AFG2A: variants seen among roughly 807,000 people sequenced by gnomAD.
The protein encoded by AFG2A is ATPase family gene 2 protein homolog A.
the AFG2A span, among the ~76,000 whole-genome samples, chr4:122,975,120 C>T: frequency 1.3e-5 from 2 of 152,132 alleles, no homozygotes; most frequent in South Asian, 4.1e-4. Context: ...TGGTAATTTA[C>T]AAAGAACAGA....
chr4:123,201,326 C>T, the AFG2A span, among the ~76,000 whole-genome samples: 1 of 152,124 alleles, frequency 6.6e-6, no homozygotes. Flanking sequence ...TGATGTTTAA[C>T]AACAATCTAC....
chr4:123,247,154 G>T, the AFG2A span, among the ~76,000 whole-genome samples: 1 of 151,788 alleles, frequency 6.6e-6, no homozygotes, highest in African/African-American at 2.4e-5. Context: ...AAATTATATT[G>T]CCCATGGTTT....
the AFG2A span, among the ~76,000 whole-genome samples, chr4:123,131,855 A>G: frequency 2.7e-4 from 27 of 100,818 alleles, no homozygotes; most frequent in Non-Finnish European, 6.6e-4. Flanking sequence ...AAATTGCTAG[A>G]TCATATAGTA....
chr4:123,140,884 T>C, the AFG2A span, among the ~76,000 whole-genome samples: 1 of 152,158 alleles, frequency 6.6e-6, no homozygotes, highest in Non-Finnish European at 1.5e-5. Flanking sequence ...AAAGTTAACA[T>C]TGTCATGAAA....
the AFG2A span, among the ~76,000 whole-genome samples, chr4:123,022,387 C>T: frequency 6.6e-6 from 1 of 152,048 alleles, no homozygotes; most frequent in Admixed American, 6.5e-5. Flanking sequence ...TATGAACAGA[C>T]ACTTCTCAAA....
chr4:122,956,118 C>T, the AFG2A span, among the ~76,000 whole-genome samples: 5 of 152,250 alleles, frequency 3.3e-5, no homozygotes, highest in East Asian at 7.7e-4. Context: ...CAGAAATACA[C>T]TGTCTGATGA....
At chr4:123,122,787 T>G in the AFG2A span, among the ~76,000 whole-genome samples, 1 of 151,824 alleles carries the variant, frequency 6.6e-6, no homozygotes, top group Non-Finnish European at 1.5e-5. Flanking sequence ...TTTTGTTTTT[T>G]TTTTTTGACA....
chr4:123,262,366 A>G, the AFG2A span, among the ~76,000 whole-genome samples: 1 of 152,228 alleles, frequency 6.6e-6, no homozygotes, highest in Non-Finnish European at 1.5e-5. Flanking sequence ...TGCTGTAGCG[A>G]AAGAACTAAA....
chr4:123,306,044 C>T, the AFG2A span, among the ~76,000 whole-genome samples: 2 of 152,204 alleles, frequency 1.3e-5, no homozygotes, highest in African/African-American at 4.8e-5. Context: ...CTCGCGTAAT[C>T]CAGTTATTGC....
At chr4:123,050,372 T>G in the AFG2A span, among the ~76,000 whole-genome samples, 1 of 152,196 alleles carries the variant, frequency 6.6e-6, no homozygotes, top group African/African-American at 2.4e-5. Flanking sequence ...TTGCCTGAAC[T>G]GTTTGTTGCT....
the AFG2A span, among the ~76,000 whole-genome samples, chr4:122,994,142 G>A: frequency 6.6e-6 from 1 of 151,936 alleles, no homozygotes; most frequent in Non-Finnish European, 1.5e-5. Context: ...ACCTCATGAA[G>A]CACCTTTAGA....
chr4:123,057,852 GT>G, the AFG2A span, among the ~76,000 whole-genome samples: 1 of 151,832 alleles, frequency 6.6e-6, no homozygotes, highest in African/African-American at 2.4e-5. Context: ...TCATAAGTAT[GT>G]TTTTTTCCTC....
chr4:123,089,776 C>G, the AFG2A span, among the ~76,000 whole-genome samples: 1 of 151,926 alleles, frequency 6.6e-6, no homozygotes, highest in Non-Finnish European at 1.5e-5. Context: ...TTAGTAGAGA[C>G]GGGGTTTCGC....
chr4:123,222,823 A>C, the AFG2A span, among the ~76,000 whole-genome samples: 1 of 152,210 alleles, frequency 6.6e-6, no homozygotes. Context: ...ATTACTTAGC[A>C]TAATGCCTTC....
the AFG2A span, among the ~76,000 whole-genome samples, chr4:123,253,677 A>T: frequency 1.3e-5 from 2 of 152,134 alleles, no homozygotes; most frequent in African/African-American, 4.8e-5. Context: ...GAACTTCCAT[A>T]TACAAGTCTT....
the AFG2A span, among the ~76,000 whole-genome samples, chr4:123,109,353 C>A: frequency 6.6e-6 from 1 of 152,112 alleles, no homozygotes; most frequent in Non-Finnish European, 1.5e-5. Context: ...AACACAGCCA[C>A]ATTCATTTTT....
the AFG2A span, among the ~76,000 whole-genome samples, chr4:122,982,864 C>CTTTTTT: frequency 8.4e-4 from 79 of 93,734 alleles, no homozygotes; most frequent in African/African-American, 1.1e-3. Flanking sequence ...TAATCTTCTT[C>CTTTTTT]TTTTTTTTTT....
At chr4:123,027,122 T>A in the AFG2A span, among the ~76,000 whole-genome samples, 19 of 151,020 alleles carry the variant, frequency 1.3e-4, no homozygotes, top group African/African-American at 4.6e-4. Context: ...TCAAGGTGTG[T>A]TTTTTTTTCT....
At chr4:123,144,459 G>A in the AFG2A span, among the ~76,000 whole-genome samples, 1 of 151,976 alleles carries the variant, frequency 6.6e-6, no homozygotes, top group Non-Finnish European at 1.5e-5. Flanking sequence ...ATTATAGTTT[G>A]ATCTGCTATG....
Sources: allele counts gnomAD v4.1 joint callset (sites outside exome capture counted in the v4.1 genomes callset), GRCh38; gene constraint gnomAD v4.1.1; transcripts MANE v1.5; gene names NCBI Gene and HGNC (gene_info 2026-07-23, HGNC 2026-07-21).